DVL1: variants seen among roughly 807,000 people sequenced by gnomAD.
DVL1 encodes the protein segment polarity protein dishevelled homolog DVL-1.
In DVL1, 49 loss-of-function variants were observed where a neutral mutation model predicts 65.0. The ratio of observed to expected loss-of-function variants is 0.75; its 90% CI spans 0.60 to 0.96. The LOEUF (loss-of-function observed/expected upper bound fraction) is 0.96. DVL1 is among the 40% of genes least tolerant of loss of function. The pLI is 0.00. For missense variants in DVL1, 1,197 were observed against 1,045.4 expected (o/e 1.15, Z -2.00); for synonymous variants, 608 against 433.9 (o/e 1.40, Z -4.99).
intron 5 of DVL1, among the ~76,000 whole-genome samples, chr1:1,341,411 A>G (rs1643821443): frequency 6.6e-6 from 1 of 152,092 alleles, no homozygotes; most frequent in Non-Finnish European, 1.5e-5. Flanking sequence ...ATGCACAAGC[A>G]GACACGTGCA....
At chr1:1,348,448 C>T (rs1643954913) in intron 1 of DVL1, among the ~76,000 whole-genome samples, 1 of 152,222 alleles carries the variant, frequency 6.6e-6, no homozygotes, top group African/African-American at 2.4e-5. Flanking sequence ...CCTGTCTTGA[C>T]CCTCGGGAAG....
chr1:1,338,229 T>TGGCCCCCCCCCCCCCCCCCACC, intron 13 of DVL1, 40 bp downstream of exon 13: 1 of 1,522,372 alleles, frequency 6.6e-7, no homozygotes, highest in Non-Finnish European at 9.0e-7. Flanking sequence ...CCTCCGGCGT[T>TGGCCCCCCCCCCCCCCCCCACC]CCCCTCCCCC....
chr1:1,344,486 C>T (rs1303134388), intron 1 of DVL1, among the ~76,000 whole-genome samples: 1 of 152,172 alleles, frequency 6.6e-6, no homozygotes, highest in Non-Finnish European at 1.5e-5. Flanking sequence ...CCCCAAGCCT[C>T]AGGGCAGAGT....
In DVL1 at chr1:1,342,175, G is replaced by C. The variant is rs758754132; in HGVS notation, c.363-19C>G. The C allele has an allele frequency of 8.4e-6, 13 of 1,545,216 alleles. No homozygotes were observed. The highest frequency in any genetic ancestry group is 3.4e-4 in the Middle Eastern group (2 of 5,858). On this transcript the variant is annotated intron_variant, in intron 3 of 14. Transcript: ENST00000378888. Reference sequence around the variant, plus strand: ...ATTTGGGCTGTGCAACAAGAGCAGGGTGGGTGGGGAGGCCGTGGCCCCAGC... The same window carrying C: ...ATTTGGGCTGTGCAACAAGAGCAGGCTGGGTGGGGAGGCCGTGGCCCCAGC...
intron 5 of DVL1, 38 bp downstream of exon 5, chr1:1,341,629 G>A (rs893318781): frequency 1.3e-5 from 21 of 1,566,636 alleles, no homozygotes; most frequent in Non-Finnish European, 1.6e-5. Flanking sequence ...TTGCAAGTGG[G>A]CACACAGGCA....
intron 5 of DVL1, 88 bp from the exon 6 acceptor site, chr1:1,340,591 G>A (rs1643765510): frequency 4.2e-6 from 6 of 1,414,176 alleles, no homozygotes; most frequent in Non-Finnish European, 5.8e-6. Flanking sequence ...TGGGAATCGG[G>A]GGTCTAGGCC....
Position 1,340,395 on chromosome 1 carries a change from C to CACCCGGCTGCCT in DVL1, c.699+3_699+14dup. On this transcript the variant is annotated intron_variant, in intron 6 of 14. Coordinates refer to ENST00000378888, the MANE Select transcript of DVL1 (RefSeq NM_001330311.2). ...TCGCCTCCCCAGCCCCGCCCTGCTC[C>CACCCGGCTGCCT]ACCCGGCTGCCTACCCGGTCCGCCT... The CACCCGGCTGCCT allele has an allele frequency of 6.2e-7, 1 of 1,611,996 alleles. No individual in the cohort carries two copies. Among genetic ancestry groups the CACCCGGCTGCCT allele is most frequent in the Non-Finnish European group, 8.5e-7 (1 of 1,179,394 alleles).
At chr1:1,345,811 G>A (rs1569741179) in intron 1 of DVL1, among the ~76,000 whole-genome samples, 1 of 152,208 alleles carries the variant, frequency 6.6e-6, no homozygotes, top group African/African-American at 2.4e-5. Context: ...CAGGACAGGC[G>A]GTGCAGAGCC....
At chr1:1,336,600 G>T in intron 14 of DVL1, 85 bp from the exon 15 acceptor site, 1 of 1,450,692 alleles carries the variant, frequency 6.9e-7, no homozygotes. Flanking sequence ...CAGGTGACCG[G>T]GCAGGAACGG....
At position 1,342,416 on chromosome 1, in the gene DVL1, G is replaced by C. The variant is rs200086328; in HGVS notation, c.309C>G (p.Pro103=). Residue 103 remains proline (P), a synonymous_variant, in exon 3 of 15, where the codon CCC becomes CCG. Coordinates refer to ENST00000378888, the MANE Select transcript of DVL1 (RefSeq NM_001330311.2). The part of the protein sequence containing the change: ...SQGTDSHTDL[P]PPLERTGGIG... ...TGCCGCCTGTCCGCTCAAGAGGCGG[G>C]GGCAGGTCTGTGTGGCTGTCCGTGC... The C allele has an allele frequency of 6.3e-7, 1 of 1,594,584 alleles. No homozygotes were observed. Among genetic ancestry groups the C allele is most frequent in the East Asian group, 2.3e-5 (1 of 44,182 alleles).
At chr1:1,345,478 C>T (rs911223808) in intron 1 of DVL1, among the ~76,000 whole-genome samples, 2 of 152,162 alleles carry the variant, frequency 1.3e-5, no homozygotes, top group Non-Finnish European at 2.9e-5. Flanking sequence ...GCATTGGGGG[C>T]GTACCCACAA....
chr1:1,349,033 G>A lies in DVL1; in HGVS notation c.33C>T (p.Asp11=), dbSNP rs1643972195. 6.4e-7 allele frequency: 1 copy of A among 1,557,262 alleles called. No homozygotes were observed. The highest frequency in any genetic ancestry group is 1.4e-5 in the African/African-American group (1 of 70,702). Residue 11 remains aspartate, a synonymous_variant, in exon 1 of 15, where the codon GAC becomes GAT. Coordinates refer to ENST00000378888, the MANE Select transcript of DVL1 (RefSeq NM_001330311.2). This position sits in a 1 kb window ranked among gnomAD's most constrained non-coding sequence, Gnocchi z 4.1. MAETKIIYHM[D]EEETPYLVKL... Reference sequence around the variant, plus strand: ...TGACCAGGTACGGCGTCTCCTCCTCGTCCATGTGGTAGATAATCTTGGTCT... The same window carrying A: ...TGACCAGGTACGGCGTCTCCTCCTCATCCATGTGGTAGATAATCTTGGTCT...
At chr1:1,338,229 T>C (rs941025089) in intron 13 of DVL1, 40 bp downstream of exon 13, 15 of 1,522,194 alleles carry the variant, frequency 9.9e-6, no homozygotes, top group Non-Finnish European at 1.4e-5. Flanking sequence ...CCTCCGGCGT[T>C]CCCCTCCCCC....
In DVL1 at chr1:1,338,641, G is replaced by A. The variant is rs1489820473; in HGVS notation, c.1220C>T (p.Ala407Val). 10 of 1,609,894 alleles carry A rather than the reference G, an allele frequency of 6.2e-6. No homozygotes were observed. The highest frequency in any genetic ancestry group is 1.3e-5 in the African/African-American group (1 of 75,036). ...CATGTCACTCTTCACCGTCAGCGGCGCCTCTTCCAGCTCTGCAAAGCACAG... is the reference window on the plus strand; with the variant it reads ...CATGTCACTCTTCACCGTCAGCGGCACCTCTTCCAGCTCTGCAAAGCACAG... ...SVPGAPQLEE[A>V]PLTVKSDMSA... is the part of the protein sequence containing the mutation. Residue 407 changes from alanine (A) to valine (V), a missense_variant, in exon 12 of 15, where the codon GCG (alanine) becomes GTG (valine). Physicochemically the swap from Ala to Val is moderately conservative, Grantham distance 64. Transcript: ENST00000378888.
chr1:1,339,236 G>A (rs1159314872), intron 11 of DVL1, 51 bp downstream of exon 11: 9 of 1,545,698 alleles, frequency 5.8e-6, no homozygotes, highest in African/African-American at 5.5e-5. Flanking sequence ...TGGCAGAGAC[G>A]CCCCCTCCAA....
At chr1:1,340,724 C>T (rs1404518936) in intron 5 of DVL1, among the ~76,000 whole-genome samples, 1 of 152,222 alleles carries the variant, frequency 6.6e-6, no homozygotes, top group Admixed American at 6.5e-5. Flanking sequence ...CACATGTAGC[C>T]AGATCCACTA....
chr1:1,340,133 C>T lies in DVL1; in HGVS notation c.814G>A (p.Asp272Asn), dbSNP rs1557667266. The change falls in exon 8 of 15, where the codon GAC becomes AAC. Residue 272 changes from aspartate to asparagine, a missense_variant. Physicochemically the swap from Asp to Asn is conservative, Grantham distance 23. Transcript: ENST00000378888. ...LGISIVGQSN[D>N]RGDGGIYIGS... The stretch of plus-strand genomic sequence containing the variant: ...ATGTAGATGCCGCCGTCTCCACGGT[C>T]GTTGCTCTGCCCCACGATGCTGATG... 2 of 1,613,604 alleles carry T rather than the reference C, an allele frequency of 1.2e-6. No homozygotes were observed. Among genetic ancestry groups the T allele is most frequent in the Admixed American group, 1.7e-5 (1 of 60,018 alleles).
Position 1,341,649 on chromosome 1 carries a change from A to G in DVL1, c.605+18T>C. 2.5e-6 allele frequency: 4 copies of G among 1,588,014 alleles called. No individual in the cohort carries two copies. Among genetic ancestry groups the G allele is most frequent in the Non-Finnish European group, 3.4e-6 (4 of 1,160,814 alleles). On this transcript the variant is annotated intron_variant, in intron 5 of 14. Coordinates refer to ENST00000378888, the MANE Select transcript of DVL1 (RefSeq NM_001330311.2). ...AGTGGGCACACAGGCATACACGCCCACAGACACTCCCACACACCTGCTCGT... is the reference window on the plus strand; with the variant it reads ...AGTGGGCACACAGGCATACACGCCCGCAGACACTCCCACACACCTGCTCGT...
rs765639162 is a variant in DVL1 at position 1,336,132 on chromosome 1, G to A, written c.*10C>T. ...CCCACCTCAGGCAGGGCTGGGGCAT[G>A]CGCCACGAGTCACATGATGTCCACG... On this transcript the variant is annotated 3_prime_UTR_variant, in exon 15 of 15. Coordinates refer to ENST00000378888, the MANE Select transcript of DVL1 (RefSeq NM_001330311.2). The A allele has an allele frequency of 3.0e-5, 47 of 1,571,960 alleles. No homozygotes were observed. The South Asian group carries it at 5.0e-4, about 17-fold the overall frequency.
Sources: gnomAD v4.1 joint callset for allele counts (sites outside exome capture counted in the v4.1 genomes callset) on GRCh38, gnomAD v4.1.1 for gene constraint, Gnocchi (gnomAD v3.1) non-coding constraint, MANE v1.5 for transcripts, NCBI Gene and HGNC (gene_info 2026-07-23, HGNC 2026-07-21) for gene names.